The following ATP6V0D2 variants were observed in gnomAD, a reference collection of about 807,000 sequenced individuals.
ATP6V0D2 encodes ATPase H+ transporting V0 subunit d2.
Under a neutral mutation model 40.0 loss-of-function variants are expected in ATP6V0D2, and 40 were observed. The observed-to-expected ratio is 1.00, with a 90% CI of 0.78 to 1.30. The LOEUF (loss-of-function observed/expected upper bound fraction) is 1.30. Ranked by LOEUF, ATP6V0D2 falls within the 50% of genes most tolerant of loss-of-function variation. ATP6V0D2 has a pLI of 0.00. For synonymous variants in ATP6V0D2, 179 were observed against 156.3 expected (o/e 1.15, Z -1.08); for missense variants, 470 against 423.1 (o/e 1.11, Z -0.97).
At chr8:86,102,143 A>G (rs1818407340) in intron 1 of ATP6V0D2, among the ~76,000 whole-genome samples, 1 of 152,188 alleles carries the variant, frequency 6.6e-6, no homozygotes, top group Admixed American at 6.5e-5. Context: ...AATTGAAGAT[A>G]TATGAATAGG....
At chr8:86,109,801 C>T (rs937887038) in intron 1 of ATP6V0D2, among the ~76,000 whole-genome samples, 9 of 152,258 alleles carry the variant, frequency 5.9e-5, no homozygotes, top group African/African-American at 2.2e-4. Context: ...ATTCTGCTGT[C>T]AGATGAACAG....
intron 2 of ATP6V0D2, 77 bp from the exon 3 acceptor site, chr8:86,139,378 AGT>A (rs1818941854): frequency 5.7e-6 from 7 of 1,226,236 alleles, no homozygotes. Context: ...GTACCTAAAG[AGT>A]GTGTGTTTTT....
rs766461037 is a variant in ATP6V0D2 at position 86,106,941 on chromosome 8, C to A, written c.131-6768C>A. 4.0e-5 allele frequency among the ~76,000 whole-genome samples: 6 copies of A among 151,758 alleles called. 1 individual carries two copies. Among genetic ancestry groups the A allele is most frequent in the African/African-American group, 7.3e-5 (3 of 41,296 alleles). On this transcript the variant is annotated intron_variant, in intron 1 of 7. Transcript: ENST00000285393. ...ATCCTAGCACTTTGGGAGGCCGAGG[C>A]AAGAGGATTGCTAGAGGCCAGGAGT...
At position 86,102,762 on chromosome 8, in the gene ATP6V0D2, C is replaced by G. The variant is rs532182050; in HGVS notation, c.130+3654C>G. ...TGACTAATTGTGACTTGATTCAGAT[C>G]TCTGGATCCACTGTGACTCAGTCTT... On this transcript the variant is annotated intron_variant, in intron 1 of 7. Transcript: ENST00000285393. Among the ~76,000 whole-genome samples the G allele has an allele frequency of 4.6e-4, 70 of 152,266 alleles. 1 individual carries two copies. The East Asian group carries it at 0.012, about 25-fold the overall frequency.
chr8:86,148,571 G>T (rs1007124331), intron 5 of ATP6V0D2, among the ~76,000 whole-genome samples: 2 of 152,156 alleles, frequency 1.3e-5, no homozygotes. Flanking sequence ...TGCAGATTCT[G>T]GTTGAGTAGG....
chr8:86,119,315 A>ACCCCCCAGGTTCAAGTAATT (rs1818638342), intron 2 of ATP6V0D2, among the ~76,000 whole-genome samples: 2 of 140,810 alleles, frequency 1.4e-5, no homozygotes, highest in Non-Finnish European at 3.0e-5. Context: ...TGCAAGCTCC[A>ACCCCCCAGGTTCAAGTAATT]CCCCCCAGGT....
At chr8:86,111,207 G>C (rs1255912275) in intron 1 of ATP6V0D2, among the ~76,000 whole-genome samples, 1 of 142,182 alleles carries the variant, frequency 7.0e-6, no homozygotes, top group Non-Finnish European at 1.5e-5. Context: ...TAAATGTAGA[G>C]ACAAGGTCTT....
rs114586268 is a variant in ATP6V0D2 at position 86,132,563 on chromosome 8, T to C, written c.303-6894T>C. Among the ~76,000 whole-genome samples the C allele has an allele frequency of 9.7e-3, 1,484 of 152,298 alleles. 21 individuals carry two copies. Among genetic ancestry groups the C allele is most frequent in the African/African-American group, 0.034 (1,401 of 41,564 alleles). On this transcript the variant is annotated intron_variant, in intron 2 of 7. Coordinates refer to ENST00000285393, the MANE Select transcript of ATP6V0D2 (RefSeq NM_152565.1). ...ATCAACTTTTTTTAGTTCCCACATA[T>C]GAGTGAGTGCATATGATATTTGGCT...
chr8:86,100,595 G>C (rs1818384242), intron 1 of ATP6V0D2, among the ~76,000 whole-genome samples: 1 of 152,110 alleles, frequency 6.6e-6, no homozygotes, highest in African/African-American at 2.4e-5. Context: ...GAACCTTTTA[G>C]ATAACTAATT....
intron 2 of ATP6V0D2, among the ~76,000 whole-genome samples, chr8:86,126,576 A>T (rs1378692804): frequency 6.6e-6 from 1 of 152,106 alleles, no homozygotes; most frequent in Non-Finnish European, 1.5e-5. Context: ...AATATTTGTG[A>T]ATGAATGAGC....
chr8:86,130,733 T>C (rs1818812764), intron 2 of ATP6V0D2, among the ~76,000 whole-genome samples: 1 of 151,852 alleles, frequency 6.6e-6, no homozygotes, highest in Non-Finnish European at 1.5e-5. Context: ...CTCCCCAGAG[T>C]GAAGCCCTCC....
chr8:86,108,464 AC>A (rs2130232421), intron 1 of ATP6V0D2, among the ~76,000 whole-genome samples: 1 of 152,300 alleles, frequency 6.6e-6, no homozygotes, highest in East Asian at 1.9e-4. Flanking sequence ...CCCCAAAACA[AC>A]CTGAAAGCGT....
chr8:86,150,105 A>G lies in ATP6V0D2; in HGVS notation c.640-7A>G. 1 of 1,608,920 alleles carries G rather than the reference A, an allele frequency of 6.2e-7. No homozygotes were observed. The highest frequency in any genetic ancestry group is 8.5e-7 in the Non-Finnish European group (1 of 1,176,908). On this transcript the variant is annotated splice_region_variant and splice_polypyrimidine_tract_variant and intron_variant, in intron 5 of 7. Coordinates refer to ENST00000285393, the MANE Select transcript of ATP6V0D2 (RefSeq NM_152565.1). The stretch of plus-strand genomic sequence containing the variant: ...TAGATTTTACTGGTTTTGTCTTGCA[A>G]ATTCAGTTTGAGGCCGACAGACGTG...
chr8:86,121,578 AAGG>A (rs562798784), intron 2 of ATP6V0D2, among the ~76,000 whole-genome samples: 2,346 of 107,330 alleles, frequency 0.022, 33 homozygotes, highest in South Asian at 0.068. Flanking sequence ...ATTTCAAAAG[AAGG>A]AGGAGGAGGA....
At chr8:86,115,832 T>C (rs1818586161) in intron 2 of ATP6V0D2, among the ~76,000 whole-genome samples, 1 of 152,150 alleles carries the variant, frequency 6.6e-6, no homozygotes. Flanking sequence ...GAAAATAATA[T>C]GTCAGTCAGA....
At chr8:86,147,923 T>C (rs1819093028) in intron 5 of ATP6V0D2, among the ~76,000 whole-genome samples, 1 of 152,270 alleles carries the variant, frequency 6.6e-6, no homozygotes, top group East Asian at 1.9e-4. Context: ...CCCTTTCTTC[T>C]TATATTCATA....
chr8:86,131,309 C>T (rs10100483), intron 2 of ATP6V0D2, among the ~76,000 whole-genome samples: 2,606 of 152,188 alleles, frequency 0.017, 74 homozygotes, highest in African/African-American at 0.059. Context: ...AAGCGATTCT[C>T]CTGCCTCAGC....
At chr8:86,150,913 C>T (rs1407576108) in intron 6 of ATP6V0D2, among the ~76,000 whole-genome samples, 4 of 152,168 alleles carry the variant, frequency 2.6e-5, no homozygotes, top group Non-Finnish European at 5.9e-5. Context: ...GTAACTTTTC[C>T]AGGGCTAGAA....
chr8:86,113,353 ACG>A (rs1818550175), intron 1 of ATP6V0D2, among the ~76,000 whole-genome samples: 1 of 151,288 alleles, frequency 6.6e-6, no homozygotes, highest in Non-Finnish European at 1.5e-5. Flanking sequence ...ATAGTGGCAC[ACG>A]CCTGTGGCCC....
Sources: allele counts gnomAD v4.1 joint callset (sites outside exome capture counted in the v4.1 genomes callset), GRCh38; gene constraint gnomAD v4.1.1; transcripts MANE v1.5; gene names NCBI Gene and HGNC (gene_info 2026-07-23, HGNC 2026-07-21).